ASB7: variants seen among roughly 807,000 people sequenced by gnomAD.
ASB7 encodes the protein ankyrin repeat and SOCS box containing 7, also known as ankyrin repeat and SOCS box protein 7.
A neutral mutation model predicts 32.5 loss-of-function variants in ASB7; 4 were observed. The observed-to-expected ratio is 0.12, with a 90% CI of 0.06 to 0.28. The LOEUF (loss-of-function observed/expected upper bound fraction) is 0.28. Among genes scored for constraint, ASB7 ranks in the 10% least tolerant of loss-of-function variants. ASB7 has a pLI of 1.00. For missense variants in ASB7, 181 were observed against 407.1 expected (o/e 0.44, Z 4.78); for synonymous variants, 172 against 155.6 (o/e 1.11, Z -0.78).
chr15:100,624,371 C>T (rs904978511), intron 4 of ASB7, among the ~76,000 whole-genome samples: 16 of 152,298 alleles, frequency 1.1e-4, no homozygotes, highest in African/African-American at 3.9e-4. Context: ...GATACCCTGA[C>T]TTGATCGTTA....
At chr15:100,614,624 A>G (rs2039726168) in intron 4 of ASB7, among the ~76,000 whole-genome samples, 1 of 151,126 alleles carries the variant, frequency 6.6e-6, no homozygotes, top group Non-Finnish European at 1.5e-5. Context: ...AAAACCAGTG[A>G]GGGGCTTAGA....
rs762648058 is a variant in ASB7, at chr15:100,630,051, T to C, written c.817+9T>C. 1 of 1,558,818 alleles carries C rather than the reference T, an allele frequency of 6.4e-7. No homozygotes were observed. The highest frequency in any genetic ancestry group is 8.7e-7 in the Non-Finnish European group (1 of 1,153,416). On this transcript the variant is annotated intron_variant, in intron 5 of 5. Transcript: ENST00000332783. The stretch of plus-strand genomic sequence containing the variant: ...CTTACAAGAAGTCACAAGTATGTAA[T>C]ATAATTATTACTTTATTGCATTTTT...
At position 100,650,105 on chromosome 15, in the gene ASB7, CAGAGA is replaced by C. The variant is rs1375383451; in HGVS notation, c.*1648_*1652del. 6.6e-6 allele frequency: 1 copy of C among 152,240 alleles called. No homozygotes were observed. Among genetic ancestry groups the C allele is most frequent in the Non-Finnish European group, 1.5e-5 (1 of 68,086 alleles). The allele number at this position is 152,240 out of a possible 1,614,324, so 9.4% of individuals were successfully genotyped here. On this transcript the variant is annotated 3_prime_UTR_variant, in exon 6 of 6. Transcript: ENST00000332783. ...ACAGGTTTCCGAAGACGGGCAGCTT[CAGAGA>C]AGAGGATTATTCGGGAGATTGCTGG... is the stretch of plus-strand genomic sequence containing the variant.
At chr15:100,632,111 G>A (rs536814423) in intron 5 of ASB7, among the ~76,000 whole-genome samples, 1 of 152,250 alleles carries the variant, frequency 6.6e-6, no homozygotes, top group African/African-American at 2.4e-5. Context: ...GGAATGTTGA[G>A]TTAAAGACTC....
chr15:100,611,541 G>T (rs1459245087), intron 3 of ASB7, among the ~76,000 whole-genome samples: 2 of 126,762 alleles, frequency 1.6e-5, no homozygotes, highest in African/African-American at 2.9e-5. Flanking sequence ...GTGCAGTGGC[G>T]CAATCTCAGC....
At chr15:100,633,702 A>AG (rs537211880) in intron 5 of ASB7, among the ~76,000 whole-genome samples, 2 of 151,708 alleles carry the variant, frequency 1.3e-5, no homozygotes, top group Non-Finnish European at 2.9e-5. Flanking sequence ...GGAAGGAGGA[A>AG]GAAAAAAAAG....
chr15:100,617,075 T>C (rs545224632), intron 4 of ASB7, among the ~76,000 whole-genome samples: 141 of 152,296 alleles, frequency 9.3e-4, no homozygotes, highest in African/African-American at 3.2e-3. Flanking sequence ...CTAAGTCTTA[T>C]TGATTCTGCC....
In ASB7 at chr15:100,602,816, A is replaced by C; in HGVS notation, c.-503A>C. 2.6e-6 allele frequency: 1 copy of C among 380,008 alleles called. No homozygotes were observed. The highest frequency in any genetic ancestry group is 4.7e-6 in the Non-Finnish European group (1 of 214,976). The allele number at this position is 380,008 out of a possible 1,614,324, so 23.5% of individuals were successfully genotyped here. On this transcript the variant is annotated 5_prime_UTR_variant, in exon 1 of 6. Transcript: ENST00000332783. Reference sequence around the variant, plus strand: ...CCGGGACTGCCCCCCCACCCGAGCCAGGACTTCCTCCCTGCCTCCCTGCAC... The same window carrying C: ...CCGGGACTGCCCCCCCACCCGAGCCCGGACTTCCTCCCTGCCTCCCTGCAC...
chr15:100,645,640 T>G, intron 5 of ASB7: 1 of 1,069,998 alleles, frequency 9.3e-7, no homozygotes, highest in Non-Finnish European at 1.4e-6. Context: ...GTTTTACTGA[T>G]GTCTCCCAAC....
At chr15:100,620,792 A>C (rs910643332) in intron 4 of ASB7, among the ~76,000 whole-genome samples, 1 of 152,248 alleles carries the variant, frequency 6.6e-6, no homozygotes, top group Non-Finnish European at 1.5e-5. Flanking sequence ...CATTTCAAGA[A>C]AATAACGTTG....
chr15:100,641,195 C>T (rs1315436399), intron 5 of ASB7, among the ~76,000 whole-genome samples: 1 of 152,160 alleles, frequency 6.6e-6, no homozygotes, highest in Non-Finnish European at 1.5e-5. Flanking sequence ...TTCTCTTCTT[C>T]TGCCACTGCC....
chr15:100,603,166 C>CCT, intron 1 of ASB7, 49 bp from the exon 2 acceptor site: 1 of 393,400 alleles, frequency 2.5e-6, no homozygotes, highest in Non-Finnish European at 4.5e-6. Flanking sequence ...GAGCTCCCCC[C>CCT]TCCCCACCTC....
chr15:100,615,846 T>A (rs1355367311), intron 4 of ASB7, among the ~76,000 whole-genome samples: 1 of 152,278 alleles, frequency 6.6e-6, no homozygotes, highest in Non-Finnish European at 1.5e-5. Flanking sequence ...TGTCTCAGAT[T>A]CCATCGTATG....
intron 5 of ASB7, chr15:100,645,834 G>T (rs180884028): frequency 1.7e-6 from 2 of 1,191,022 alleles, no homozygotes; most frequent in Non-Finnish European, 2.5e-6. Context: ...CATCCCACAC[G>T]CTAATTTCAT....
chr15:100,632,353 T>C (rs922448627), intron 5 of ASB7, among the ~76,000 whole-genome samples: 1 of 152,220 alleles, frequency 6.6e-6, no homozygotes, highest in African/African-American at 2.4e-5. Flanking sequence ...TGTCTTCAGG[T>C]GCCTCAACAT....
chr15:100,634,886 C>G (rs528733414), intron 5 of ASB7, among the ~76,000 whole-genome samples: 56 of 152,320 alleles, frequency 3.7e-4, no homozygotes, highest in South Asian at 1.5e-3. Context: ...TTCAGTAACA[C>G]AGTCCAGTGG....
chr15:100,642,759 G>T (rs368409529), intron 5 of ASB7, among the ~76,000 whole-genome samples: 1 of 152,232 alleles, frequency 6.6e-6, no homozygotes. Context: ...TCTTGCGGCC[G>T]GGCGCGGTGG....
In ASB7 at chr15:100,609,847, A is replaced by G. The variant is rs1281099357; in HGVS notation, c.-52+19A>G. The G allele has an allele frequency of 6.6e-6, 1 of 152,244 alleles. No homozygotes were observed. The highest frequency in any genetic ancestry group is 2.4e-5 in the African/African-American group (1 of 41,468). The allele number at this position is 152,244 out of a possible 1,614,324, so 9.4% of individuals were successfully genotyped here. The stretch of plus-strand genomic sequence containing the variant: ...CCATAAGGCAAGTTGCCTCAGGGTC[A>G]TTGGTCATCTGTGTTGTTCCGGGGG... On this transcript the variant is annotated intron_variant, in intron 3 of 5. Coordinates refer to ENST00000332783, the MANE Select transcript of ASB7 (RefSeq NM_198243.3).
chr15:100,648,584 A>G lies in ASB7; in HGVS notation c.*122A>G, dbSNP rs2040011407. 3 of 854,480 alleles carry G rather than the reference A, an allele frequency of 3.5e-6. No individual in the cohort carries two copies. Among genetic ancestry groups the G allele is most frequent in the East Asian group, 3.1e-5 (1 of 32,386 alleles). The allele number at this position is 854,480 out of a possible 1,614,324, so 52.9% of individuals were successfully genotyped here. A position where few individuals can be genotyped will look rare whatever the true frequency, so the allele number is the denominator to read the frequency against. Reference sequence around the variant, plus strand: ...CTGTGAAATCAGAAAGCAGGTATACACTTTTGGGTTTTCTGTTTGTTTGGT... The same window carrying G: ...CTGTGAAATCAGAAAGCAGGTATACGCTTTTGGGTTTTCTGTTTGTTTGGT... On this transcript the variant is annotated 3_prime_UTR_variant, in exon 6 of 6. Coordinates refer to ENST00000332783, the MANE Select transcript of ASB7 (RefSeq NM_198243.3).
Sources: allele counts gnomAD v4.1 joint callset (sites outside exome capture counted in the v4.1 genomes callset), GRCh38; gene constraint gnomAD v4.1.1; transcripts MANE v1.5; gene names NCBI Gene and HGNC (gene_info 2026-07-23, HGNC 2026-07-21).